PTGFR: variants seen among roughly 807,000 people sequenced by gnomAD.
PTGFR encodes prostaglandin F receptor, also known as prostaglandin F2-alpha receptor.
In PTGFR, 15 loss-of-function variants were observed where a neutral mutation model predicts 26.2. That is an observed-to-expected ratio of 0.57 (90% CI 0.38 to 0.88). The LOEUF (loss-of-function observed/expected upper bound fraction) is 0.88. Among genes scored for constraint, PTGFR ranks in the 40% least tolerant of loss-of-function variants. The pLI is 0.00. For missense variants in PTGFR, 369 were observed against 427.2 expected, an observed-to-expected ratio of 0.86 and a Z score of 1.20; for synonymous variants, 165 against 151.1, an observed-to-expected ratio of 1.09 and a Z score of -0.68.
intron 2 of PTGFR, among the ~76,000 whole-genome samples, chr1:78,500,323 A>G (rs1337098245): frequency 6.6e-6 from 1 of 152,240 alleles, no homozygotes; most frequent in Non-Finnish European, 1.5e-5. Flanking sequence ...AATTCTCAAA[A>G]AAATCCGACA....
At chr1:78,498,817 A>G (rs1649625473) in intron 2 of PTGFR, among the ~76,000 whole-genome samples, 1 of 152,084 alleles carries the variant, frequency 6.6e-6, no homozygotes, top group Non-Finnish European at 1.5e-5. Context: ...CAGAGGCAAT[A>G]TTTTCATAAA....
chr1:78,502,518 A>G (rs1649733138), intron 2 of PTGFR, among the ~76,000 whole-genome samples: 1 of 152,190 alleles, frequency 6.6e-6, no homozygotes, highest in African/African-American at 2.4e-5. Context: ...TAAAGCACTT[A>G]AAATAGTGTT....
At chr1:78,522,186 CT>C (rs1465392459) in intron 2 of PTGFR, among the ~76,000 whole-genome samples, 4 of 152,178 alleles carry the variant, frequency 2.6e-5, no homozygotes, top group African/African-American at 9.6e-5. Flanking sequence ...TGCATTCCTT[CT>C]CCTGTGGCCC....
At position 78,492,931 on chromosome 1, in the gene PTGFR, A is replaced by T; in HGVS notation, c.188A>T (p.Lys63Met). Residue 63 changes from lysine (K) to methionine (M), a missense_variant, in exon 2 of 3, where the codon AAG (lysine) becomes ATG (methionine). Coordinates refer to ENST00000370757, the MANE Select transcript of PTGFR (RefSeq NM_000959.4). ...KAYQRFRQKS[K>M]ASFLLLASGL... ...TATCAGAGATTTAGACAGAAGTCCAAGGCATCGTTTCTGCTTTTGGCCAGT... is the reference window on the plus strand; with the variant it reads ...TATCAGAGATTTAGACAGAAGTCCATGGCATCGTTTCTGCTTTTGGCCAGT... The T allele has an allele frequency of 1.9e-6, 3 of 1,614,256 alleles. No individual in the cohort carries two copies. The highest frequency in any genetic ancestry group is 2.5e-6 in the Non-Finnish European group (3 of 1,180,046).
intron 1 of PTGFR, among the ~76,000 whole-genome samples, chr1:78,492,277 G>C (rs920294960): frequency 1.3e-5 from 2 of 152,230 alleles, no homozygotes; most frequent in Admixed American, 1.3e-4. Context: ...AGAGGAAAGA[G>C]AAGACACTTT....
At chr1:78,506,668 A>G (rs1349988171) in intron 2 of PTGFR, among the ~76,000 whole-genome samples, 1 of 152,098 alleles carries the variant, frequency 6.6e-6, no homozygotes, top group African/African-American at 2.4e-5. Flanking sequence ...GATACTGAGT[A>G]TAGTCTAATA....
chr1:78,501,364 T>A (rs1649701185), intron 2 of PTGFR, among the ~76,000 whole-genome samples: 1 of 152,230 alleles, frequency 6.6e-6, no homozygotes, highest in Non-Finnish European at 1.5e-5. Context: ...TACATCAGTG[T>A]CATTTATCTG....
At chr1:78,526,308 G>T (rs1650372212) in intron 2 of PTGFR, among the ~76,000 whole-genome samples, 1 of 152,088 alleles carries the variant, frequency 6.6e-6, no homozygotes, top group Non-Finnish European at 1.5e-5. Flanking sequence ...TGAGAGCTGA[G>T]ATTTGATGCA....
intron 2 of PTGFR, among the ~76,000 whole-genome samples, chr1:78,511,348 C>T (rs2100370800): frequency 6.6e-6 from 1 of 152,354 alleles, no homozygotes; most frequent in Non-Finnish European, 1.5e-5. Context: ...GTCACCAAAC[C>T]TCCTTCACTT....
At chr1:78,530,337 A>G (rs67840329) in intron 2 of PTGFR, among the ~76,000 whole-genome samples, 24,966 of 152,184 alleles carry the variant, frequency 0.16, 2,258 homozygotes, top group Non-Finnish European at 0.22. Flanking sequence ...ATGGGCACAG[A>G]AGATTTGGAG....
chr1:78,536,786 C>A lies in PTGFR; in HGVS notation c.*99C>A. 7.8e-7 allele frequency: 1 copy of A among 1,286,304 alleles called. No individual in the cohort carries two copies. Among genetic ancestry groups the A allele is most frequent in the East Asian group, 2.5e-5 (1 of 39,644 alleles). 79.7% of individuals were successfully genotyped at this position (1,286,304 alleles called of 1,614,324 possible). A position where few individuals can be genotyped will look rare whatever the true frequency, so the allele number is the denominator to read the frequency against. Reference sequence around the variant, plus strand: ...ATACCTGTAGCCTAACTGGAAAATTCAGGCTTCATCATGTAGTTTGAAGAT... The same window carrying A: ...ATACCTGTAGCCTAACTGGAAAATTAAGGCTTCATCATGTAGTTTGAAGAT... On this transcript the variant is annotated 3_prime_UTR_variant, in exon 3 of 3. Coordinates refer to ENST00000370757, the MANE Select transcript of PTGFR (RefSeq NM_000959.4).
In PTGFR at chr1:78,536,677, C is replaced by G; in HGVS notation, c.1070C>G (p.Ala357Gly). 1.2e-6 allele frequency: 2 copies of G among 1,611,730 alleles called. No individual in the cohort carries two copies. Among genetic ancestry groups the G allele is most frequent in the East Asian group, 4.5e-5 (2 of 44,710 alleles). Residue 357 changes from alanine (A) to glycine (G), a missense_variant, in exon 3 of 3, where the codon GCA (alanine) becomes GGA (glycine). Physicochemically the swap from Ala to Gly is moderately conservative, Grantham distance 60. Coordinates refer to ENST00000370757, the MANE Select transcript of PTGFR (RefSeq NM_000959.4). Reference protein sequence around the residue: ...ISESPVAEKSAST With the variant: ...ISESPVAEKSGST ...GAGTCACCAGTTGCAGAGAAATCAGCAAGCACCTAGCTTAATAGGACAGTA... is the reference window on the plus strand; with the variant it reads ...GAGTCACCAGTTGCAGAGAAATCAGGAAGCACCTAGCTTAATAGGACAGTA...
chr1:78,526,240 GCTTT>G (rs558241161), intron 2 of PTGFR, among the ~76,000 whole-genome samples: 34 of 152,208 alleles, frequency 2.2e-4, no homozygotes, highest in Admixed American at 5.9e-4. Flanking sequence ...GATAATTAAT[GCTTT>G]CTTTATGAGA....
intron 2 of PTGFR, among the ~76,000 whole-genome samples, chr1:78,497,225 A>G (rs943688107): frequency 3.5e-4 from 54 of 152,166 alleles, no homozygotes; most frequent in African/African-American, 1.2e-3. Flanking sequence ...AATTTTTACA[A>G]TATCTGGGTT....
Position 78,493,405 on chromosome 1 carries a change from C to T in PTGFR, c.662C>T (p.Ala221Val). Reference sequence around the variant, plus strand: ...CTTGGTGTTTCATTGTTGTGCAATGCAATCACAGGAATTACACTTTTAAGA... The same window carrying T: ...CTTGGTGTTTCATTGTTGTGCAATGTAATCACAGGAATTACACTTTTAAGA... ...LALGVSLLCN[A>V]ITGITLLRVK... The change falls in exon 2 of 3, where the codon GCA (alanine) becomes GTA (valine). Residue 221 changes from alanine (A) to valine (V), a missense_variant. By Grantham distance (64) the Ala-to-Val change is moderately conservative. Coordinates refer to ENST00000370757, the MANE Select transcript of PTGFR (RefSeq NM_000959.4). The T allele has an allele frequency of 6.2e-7, 1 of 1,613,618 alleles. No homozygotes were observed.
intron 2 of PTGFR, among the ~76,000 whole-genome samples, chr1:78,517,563 C>T (rs534981754): frequency 1.1e-3 from 163 of 152,018 alleles, no homozygotes; most frequent in Non-Finnish European, 2.2e-3. Flanking sequence ...GGTGGTTGAG[C>T]AGAGGCAAAA....
At chr1:78,518,244 T>C (rs1220152841) in intron 2 of PTGFR, among the ~76,000 whole-genome samples, 1 of 152,178 alleles carries the variant, frequency 6.6e-6, no homozygotes, top group Non-Finnish European at 1.5e-5. Context: ...TTCTACCTGG[T>C]TAATAATCTC....
intron 2 of PTGFR, among the ~76,000 whole-genome samples, chr1:78,517,427 A>G (rs938507943): frequency 6.6e-6 from 1 of 152,112 alleles, no homozygotes; most frequent in Non-Finnish European, 1.5e-5. Flanking sequence ...GATTTTAAAG[A>G]TTGATAAGTG....
At chr1:78,512,937 T>C (rs760870260) in intron 2 of PTGFR, among the ~76,000 whole-genome samples, 1 of 152,202 alleles carries the variant, frequency 6.6e-6, no homozygotes, top group Non-Finnish European at 1.5e-5. Context: ...GCTCCGCCTT[T>C]CCCTTCCTTT....
Sources: allele counts gnomAD v4.1 joint callset (sites outside exome capture counted in the v4.1 genomes callset), GRCh38; gene constraint gnomAD v4.1.1; transcripts MANE v1.5; gene names NCBI Gene and HGNC (gene_info 2026-07-23, HGNC 2026-07-21).